The following LPXN variants were observed in gnomAD, a reference collection of about 807,000 sequenced individuals.
The protein encoded by LPXN is leupaxin.
LPXN carries 28 observed loss-of-function variants against 45.6 expected under a neutral mutation model. The observed-to-expected ratio is 0.61, with a 90% CI of 0.45 to 0.84. The LOEUF is 0.84. LPXN is among the 40% of genes least tolerant of loss of function. LPXN has a pLI of 0.00. For missense variants in LPXN, 459 were observed against 475.0 expected (o/e 0.97, Z 0.31); for synonymous variants, 166 against 169.9 (o/e 0.98, Z 0.18).
chr11:58,576,383 G>C (rs1854892440), upstream of LPXN, among the ~76,000 whole-genome samples: 1 of 152,146 alleles, frequency 6.6e-6, no homozygotes, highest in African/African-American at 2.4e-5. Flanking sequence ...GGTTTACTCA[G>C]TGGTCCCAAA....
chr11:58,536,051 G>T (rs1853543501), intron 7 of LPXN, among the ~76,000 whole-genome samples: 1 of 152,144 alleles, frequency 6.6e-6, no homozygotes, highest in South Asian at 2.1e-4. Flanking sequence ...TTCTGGATAG[G>T]AAGAACCAAT....
chr11:58,563,893 G>C (rs1176672631), intron 3 of LPXN, among the ~76,000 whole-genome samples: 1 of 152,078 alleles, frequency 6.6e-6, no homozygotes, highest in East Asian at 1.9e-4. Flanking sequence ...GGTAACTCTG[G>C]GAGTATTTAC....
At chr11:58,560,307 A>C (rs1854335537) in intron 3 of LPXN, among the ~76,000 whole-genome samples, 1 of 152,198 alleles carries the variant, frequency 6.6e-6, no homozygotes, top group African/African-American at 2.4e-5. Flanking sequence ...TCTTCAGTAA[A>C]GTACATAAAT....
chr11:58,535,562 C>A (rs989386019), intron 7 of LPXN, among the ~76,000 whole-genome samples: 1 of 152,154 alleles, frequency 6.6e-6, no homozygotes, highest in Non-Finnish European at 1.5e-5. Flanking sequence ...CAGCCAATAT[C>A]ATATTGAATG....
At chr11:58,574,839 G>A (rs932908972) in intron 1 of LPXN, among the ~76,000 whole-genome samples, 1 of 151,952 alleles carries the variant, frequency 6.6e-6, no homozygotes, top group Admixed American at 6.6e-5. Flanking sequence ...GAAATCACAC[G>A]CCATTTTTTT....
At chr11:58,537,918 C>T (rs1198886764) in intron 7 of LPXN, among the ~76,000 whole-genome samples, 4 of 110,836 alleles carry the variant, frequency 3.6e-5, no homozygotes, top group Non-Finnish European at 5.4e-5. Context: ...GCTATCCCTC[C>T]CCCCTCCCCC....
chr11:58,530,246 C>T (rs1853347499), intron 7 of LPXN, among the ~76,000 whole-genome samples: 1 of 152,308 alleles, frequency 6.6e-6, no homozygotes, highest in African/African-American at 2.4e-5. Context: ...AGCCAAGTGG[C>T]CTGGCTCGGT....
rs375904012 is a variant in LPXN, at chr11:58,575,802, C to G, written c.-30G>C. ...CTACATCCAAGATGCTCTTGTCTCA[C>G]AGGCCGTGAGGAACAGCTTTGGCAT... On this transcript the variant is annotated 5_prime_UTR_variant, in exon 1 of 9. Transcript: ENST00000395074. 134 of 1,614,118 alleles carry G rather than the reference C, an allele frequency of 8.3e-5. No homozygotes were observed. Among genetic ancestry groups the G allele is most frequent in the Non-Finnish European group, 1.1e-4 (132 of 1,180,046 alleles).
intron 1 of LPXN, among the ~76,000 whole-genome samples, chr11:58,572,281 T>A (rs1406303241): frequency 1.3e-5 from 2 of 152,052 alleles, no homozygotes; most frequent in Non-Finnish European, 1.5e-5. Context: ...TTAGAAGAGA[T>A]CTAATCCTTT....
intron 8 of LPXN, 119 bp downstream of exon 8, chr11:58,527,924 G>A: frequency 8.0e-7 from 1 of 1,249,330 alleles, no homozygotes; most frequent in South Asian, 1.4e-5. Flanking sequence ...TCTCCTTTAG[G>A]ATGCGCACAT....
intron 7 of LPXN, among the ~76,000 whole-genome samples, chr11:58,532,625 A>G (rs1344045652): frequency 1.3e-5 from 2 of 152,216 alleles, no homozygotes; most frequent in African/African-American, 2.4e-5. Context: ...AAATGCACCA[A>G]TCAGCACTCT....
chr11:58,577,837 G>C, upstream of LPXN: 1 of 582,130 alleles, frequency 1.7e-6, no homozygotes, highest in South Asian at 2.2e-5. Context: ...AGCAACCGAC[G>C]CCGGCTCCTT....
chr11:58,529,942 C>T (rs1186468743), intron 7 of LPXN, among the ~76,000 whole-genome samples: 2 of 152,162 alleles, frequency 1.3e-5, no homozygotes, highest in Non-Finnish European at 2.9e-5. Context: ...GGTCAGGGAA[C>T]TCCCTCTCCT....
intron 2 of LPXN, among the ~76,000 whole-genome samples, chr11:58,565,788 C>T (rs1854511279): frequency 6.6e-6 from 1 of 151,980 alleles, no homozygotes; most frequent in Non-Finnish European, 1.5e-5. Context: ...AATTTGAGAC[C>T]AGCCTGGTGT....
chr11:58,545,756 A>G (rs770407368), intron 7 of LPXN, among the ~76,000 whole-genome samples: 20 of 152,158 alleles, frequency 1.3e-4, no homozygotes, highest in Admixed American at 2.6e-4. Flanking sequence ...GATGTTTTAT[A>G]AAAAACATGG....
chr11:58,549,845 T>C lies in LPXN; in HGVS notation c.683A>G (p.Gln228Arg), dbSNP rs762298053. The change falls in exon 7 of 9, where the codon CAG becomes CGG. Residue 228 changes from glutamine (Q) to arginine (R), a missense_variant. Physicochemically the swap from Gln to Arg is conservative, Grantham distance 43. Transcript: ENST00000395074. ...GAAGAAGTGCTCTGGGTGCCAGGTCTGGTTCATTGCTGTCAGCACTTTCTG... is the reference window on the plus strand; with the variant it reads ...GAAGAAGTGCTCTGGGTGCCAGGTCCGGTTCATTGCTGTCAGCACTTTCTG... ...ILDKVLTAMNQTWHPEHFFCS... is the reference protein window; with the variant it reads ...ILDKVLTAMNRTWHPEHFFCS... 92 of 1,614,082 alleles carry C rather than the reference T, an allele frequency of 5.7e-5. 2 individuals carry two copies. The South Asian group carries it at 9.2e-4, about 16-fold the overall frequency.
intron 7 of LPXN, among the ~76,000 whole-genome samples, chr11:58,536,744 T>A (rs2120222553): frequency 6.6e-6 from 1 of 152,116 alleles, no homozygotes; most frequent in South Asian, 2.1e-4. Flanking sequence ...TGGAGAAAAT[T>A]TTTGCAATCT....
intron 3 of LPXN, among the ~76,000 whole-genome samples, chr11:58,557,260 T>C (rs1854232368): frequency 6.6e-6 from 1 of 152,188 alleles, no homozygotes; most frequent in African/African-American, 2.4e-5. Context: ...ATTGCCACAA[T>C]ATTCACAATT....
Position 58,527,274 on chromosome 11 carries a change from T to TAA in LPXN, c.*178_*179dup. 1.6e-6 allele frequency: 1 copy of TAA among 619,740 alleles called. No homozygotes were observed. The highest frequency in any genetic ancestry group is 2.1e-5 in the South Asian group (1 of 48,490). The allele number at this position is 619,740 out of a possible 1,614,324, so 38.4% of individuals were successfully genotyped here. A position where few individuals can be genotyped will look rare whatever the true frequency, so the allele number is the denominator to read the frequency against. ...TTATAGAATTAACTGTATAGAAGCC[T>TAA]AAAAAATAAGATTATCAGCCTAGTC... On this transcript the variant is annotated 3_prime_UTR_variant, in exon 9 of 9. Coordinates refer to ENST00000395074, the MANE Select transcript of LPXN (RefSeq NM_004811.3).
Sources: gnomAD v4.1 joint callset for allele counts (sites outside exome capture counted in the v4.1 genomes callset) on GRCh38, gnomAD v4.1.1 for gene constraint, MANE v1.5 for transcripts, NCBI Gene and HGNC (gene_info 2026-07-23, HGNC 2026-07-21) for gene names.